The following CATSPERB variants were observed in gnomAD, a reference collection of about 807,000 sequenced individuals.
CATSPERB encodes cation channel sperm-associated auxiliary subunit beta.
CATSPERB carries 93 observed loss-of-function variants against 128.3 expected under a neutral mutation model. That is an observed-to-expected ratio of 0.72 (90% CI 0.61 to 0.86). The LOEUF is 0.86. CATSPERB is among the 40% of genes least tolerant of loss of function. The pLI is 0.00. For synonymous variants in CATSPERB, 381 were observed against 448.8 expected (o/e 0.85, Z 1.91); for missense variants, 1,153 against 1,329.5 (o/e 0.87, Z 2.06).
intron 11 of CATSPERB, among the ~76,000 whole-genome samples, chr14:91,680,247 T>C (rs1381959555): frequency 6.6e-6 from 1 of 152,174 alleles, no homozygotes; most frequent in East Asian, 1.9e-4. Flanking sequence ...GCCAATTATG[T>C]TTTACTTTAC....
At chr14:91,696,280 C>A (rs1895560216) in intron 7 of CATSPERB, among the ~76,000 whole-genome samples, 2 of 152,124 alleles carry the variant, frequency 1.3e-5, no homozygotes, top group South Asian at 4.2e-4. Context: ...CAAAAAGGAG[C>A]CCTCCTAGAA....
At chr14:91,634,360 A>G (rs2139800547) in intron 17 of CATSPERB, among the ~76,000 whole-genome samples, 1 of 152,206 alleles carries the variant, frequency 6.6e-6, no homozygotes, top group South Asian at 2.1e-4. Flanking sequence ...TTCCATGTAT[A>G]AGTGGACCTG....
chr14:91,651,400 T>C (rs969834431), intron 15 of CATSPERB, among the ~76,000 whole-genome samples: 3 of 152,210 alleles, frequency 2.0e-5, no homozygotes, highest in African/African-American at 7.2e-5. Flanking sequence ...CTTCCATTGC[T>C]AGTCTCTGGA....
intron 5 of CATSPERB, among the ~76,000 whole-genome samples, chr14:91,714,167 T>A (rs1895890733): frequency 6.6e-6 from 1 of 151,756 alleles, no homozygotes; most frequent in Admixed American, 6.6e-5. Flanking sequence ...AGGGCGCCTA[T>A]GTAAAACATG....
intron 5 of CATSPERB, among the ~76,000 whole-genome samples, 164 bp from the exon 6 acceptor site, chr14:91,708,400 G>T (rs185786823): frequency 8.2e-4 from 125 of 152,094 alleles, no homozygotes; most frequent in African/African-American, 2.8e-3. Context: ...TAAACATTTT[G>T]CTCATAAAAT....
chr14:91,677,993 C>T (rs1042288185), intron 11 of CATSPERB, among the ~76,000 whole-genome samples: 12 of 152,230 alleles, frequency 7.9e-5, no homozygotes, highest in East Asian at 3.9e-4. Flanking sequence ...AACCAAACAC[C>T]GCATGTTCTT....
At chr14:91,714,100 C>A (rs1895889365) in intron 5 of CATSPERB, among the ~76,000 whole-genome samples, 1 of 151,868 alleles carries the variant, frequency 6.6e-6, no homozygotes. Context: ...CAAGATTTGA[C>A]ACCAATAATA....
intron 1 of CATSPERB, among the ~76,000 whole-genome samples, chr14:91,729,712 G>A (rs1159387339): frequency 2.0e-5 from 3 of 152,178 alleles, no homozygotes; most frequent in Non-Finnish European, 4.4e-5. Context: ...AAGAGATGTG[G>A]CTCAGGTTTT....
intron 22 of CATSPERB, among the ~76,000 whole-genome samples, chr14:91,594,247 T>C (rs1490007625): frequency 6.6e-6 from 1 of 151,824 alleles, no homozygotes; most frequent in Non-Finnish European, 1.5e-5. Context: ...AAACACCGCA[T>C]GTTCTCACTC....
chr14:91,608,607 A>G (rs891943751), intron 21 of CATSPERB, among the ~76,000 whole-genome samples: 3 of 143,052 alleles, frequency 2.1e-5, no homozygotes, highest in South Asian at 4.7e-4. Context: ...TAACTTGTAA[A>G]TAAGTGAAAA....
chr14:91,660,114 T>TCA (rs34606282), intron 14 of CATSPERB, 133 bp from the exon 15 acceptor site: 34,467 of 346,392 alleles, frequency 0.1, 471 homozygotes, highest in East Asian at 0.14. Flanking sequence ...TCTCTCTCTC[T>TCA]CTCACACACA....
chr14:91,647,808 G>C (rs1437042690), intron 15 of CATSPERB, among the ~76,000 whole-genome samples: 1 of 152,142 alleles, frequency 6.6e-6, no homozygotes, highest in Non-Finnish European at 1.5e-5. Context: ...GATTTAGTTG[G>C]GGACACAGCC....
At position 91,614,087 on chromosome 14, in the gene CATSPERB, A is replaced by C. The variant is rs574675689; in HGVS notation, c.2401-3410T>G. ...TCCCTTGCCGCACGTCTCTTGGCTG[A>C]ATTTTTTCCTCCAAGAAGACATGAA... On this transcript the variant is annotated intron_variant, in intron 20 of 26. Transcript: ENST00000256343. Among the ~76,000 whole-genome samples, 4 of 152,234 alleles carry C rather than the reference A, an allele frequency of 2.6e-5. No individual in the cohort carries two copies. The South Asian group carries it at 8.3e-4, about 32-fold the overall frequency.
chr14:91,615,874 A>G (rs1191743652), intron 20 of CATSPERB, among the ~76,000 whole-genome samples: 2 of 119,652 alleles, frequency 1.7e-5, no homozygotes, highest in African/African-American at 5.9e-5. Context: ...AGGATCATAC[A>G]TACAGTTTTC....
chr14:91,664,965 C>T (rs1359837186), intron 14 of CATSPERB, among the ~76,000 whole-genome samples: 1 of 152,216 alleles, frequency 6.6e-6, no homozygotes, highest in Non-Finnish European at 1.5e-5. Context: ...TCTTGGCTAA[C>T]TGCAACCTCT....
intron 20 of CATSPERB, among the ~76,000 whole-genome samples, chr14:91,615,537 A>ATT (rs1265426820): frequency 6.6e-6 from 1 of 152,100 alleles, no homozygotes; most frequent in African/African-American, 2.4e-5. Flanking sequence ...ACAACCGAGG[A>ATT]TGTGTGGTAT....
chr14:91,640,185 T>G (rs886805306), intron 15 of CATSPERB, among the ~76,000 whole-genome samples: 2 of 152,044 alleles, frequency 1.3e-5, no homozygotes, highest in African/African-American at 4.8e-5. Context: ...CTCACCTTCA[T>G]TAATGGCAGC....
At chr14:91,599,624 G>C (rs1893576100) in intron 22 of CATSPERB, among the ~76,000 whole-genome samples, 1 of 151,784 alleles carries the variant, frequency 6.6e-6, no homozygotes, top group Non-Finnish European at 1.5e-5. Context: ...AGGAAGTCCT[G>C]ACAACATCTG....
chr14:91,675,826 G>A (rs1386818311), intron 11 of CATSPERB, among the ~76,000 whole-genome samples: 3 of 152,150 alleles, frequency 2.0e-5, no homozygotes, highest in Admixed American at 6.5e-5. Flanking sequence ...TGGCTGGGTT[G>A]CTCTTTCTCG....
Sources: allele counts gnomAD v4.1 joint callset (sites outside exome capture counted in the v4.1 genomes callset), GRCh38; gene constraint gnomAD v4.1.1; transcripts MANE v1.5; gene names NCBI Gene and HGNC (gene_info 2026-07-23, HGNC 2026-07-21).